Variants in EME1 observed in about 807,000 individuals in gnomAD.
EME1 encodes the protein essential meiotic structure-specific endonuclease 1.
Under a neutral mutation model 59.1 loss-of-function variants are expected in EME1, and 61 were observed. The ratio of observed to expected loss-of-function variants is 1.03; its 90% CI spans 0.84 to 1.28. EME1 has a LOEUF of 1.28. Ranked by LOEUF, EME1 falls within the 50% of genes most tolerant of loss-of-function variation. The probability of loss-of-function intolerance (pLI) is 0.00; values close to 1 mark genes in which losing one functional copy is unlikely to be tolerated. For missense variants in EME1, 635 were observed against 682.6 expected, an observed-to-expected ratio of 0.93 and a Z score of 0.78; for synonymous variants, 230 against 254.2, an observed-to-expected ratio of 0.90 and a Z score of 0.90.
rs1258612438 is a variant in EME1, at chr17:50,380,409, TGGA to T, written c.1449_1451del (p.Arg484del). On this transcript the variant is annotated inframe_deletion, in exon 8 of 9. Transcript: ENST00000338165. ...TGCTGGCAGGGGACTCGCACTAGTCTGGAGGAGACAGATTCAGCAGCTGAACCG... is the reference window on the plus strand; with the variant it reads ...TGCTGGCAGGGGACTCGCACTAGTCTGGAGACAGATTCAGCAGCTGAACCG... 3.7e-6 allele frequency: 6 copies of T among 1,614,154 alleles called. No individual in the cohort carries two copies. The highest frequency in any genetic ancestry group is 1.3e-5 in the African/African-American group (1 of 75,042).
chr17:50,373,969 G>A (rs1374072427), intron 1 of EME1, among the ~76,000 whole-genome samples: 1 of 152,172 alleles, frequency 6.6e-6, no homozygotes, highest in African/African-American at 2.4e-5. Context: ...CAAGCTGAGT[G>A]AAAAAAGTCA....
At chr17:50,373,316 G>T in intron 1 of EME1, 39 bp downstream of exon 1, 3 of 1,103,678 alleles carry the variant, frequency 2.7e-6, no homozygotes, top group Non-Finnish European at 3.9e-6. Context: ...ATTGGGCAGG[G>T]CTTCCCTCCT....
rs77891663 is a variant in EME1 at position 50,377,126 on chromosome 17, T to C, written c.903+933T>C. On this transcript the variant is annotated intron_variant, in intron 3 of 8. Transcript: ENST00000338165. ...AGATTTTTTTTTCCTCTCTTTGATT[T>C]CTTTTTTGGATCTGATAACTTTCTC... Among the ~76,000 whole-genome samples the C allele has an allele frequency of 6.7e-3, 1,023 of 152,286 alleles. 82 individuals are homozygous for C. In the East Asian group the frequency reaches 0.17, roughly 25 times the overall value.
At chr17:50,374,308 G>A (rs887268518) in intron 1 of EME1, among the ~76,000 whole-genome samples, 1 of 152,136 alleles carries the variant, frequency 6.6e-6, no homozygotes, top group African/African-American at 2.4e-5. Flanking sequence ...TACAATCACA[G>A]CTCACTGCAG....
At chr17:50,373,517 T>A (rs1413294441) in intron 1 of EME1, among the ~76,000 whole-genome samples, 3 of 152,208 alleles carry the variant, frequency 2.0e-5, no homozygotes, top group African/African-American at 7.2e-5. Flanking sequence ...CTTACTCTAC[T>A]TAGCCAGCTG....
Position 50,373,290 on chromosome 17 carries a change from G to C in EME1, c.-25+13G>C, listed in dbSNP as rs1383250057. ...GGAGAAGTTGCAGGTGAGCGTCCCC[G>C]GTCGCAGGCCTGCGGATTGGGCAGG... is the stretch of plus-strand genomic sequence containing the variant. On this transcript the variant is annotated intron_variant, in intron 1 of 8. Transcript: ENST00000338165. The C allele has an allele frequency of 7.8e-6, 11 of 1,410,796 alleles. No individual in the cohort carries two copies. Among genetic ancestry groups the C allele is most frequent in the Admixed American group, 1.9e-5 (1 of 51,380 alleles). The allele number at this position is 1,410,796 out of a possible 1,614,324, so 87.4% of individuals were successfully genotyped here. A position where few individuals can be genotyped will look rare whatever the true frequency, so the allele number is the denominator to read the frequency against.
chr17:50,373,790 C>G (rs1442678017), intron 1 of EME1, among the ~76,000 whole-genome samples: 1 of 152,140 alleles, frequency 6.6e-6, no homozygotes, highest in Non-Finnish European at 1.5e-5. Flanking sequence ...ACTTGTATGT[C>G]AGTGTTCATA....
At chr17:50,377,307 G>A (rs1374846586) in intron 3 of EME1, among the ~76,000 whole-genome samples, 5 of 152,068 alleles carry the variant, frequency 3.3e-5, no homozygotes, top group Non-Finnish European at 7.4e-5. Flanking sequence ...CATCACAGGT[G>A]GGGAAACTGG....
intron 6 of EME1, 110 bp from the exon 7 acceptor site, chr17:50,379,342 G>T: frequency 6.3e-7 from 1 of 1,587,392 alleles, no homozygotes; most frequent in Non-Finnish European, 8.6e-7. Context: ...CTGACTAAGA[G>T]AAGGTACCAA....
intron 1 of EME1, among the ~76,000 whole-genome samples, chr17:50,374,375 C>A (rs1256045817): frequency 6.6e-6 from 1 of 152,110 alleles, no homozygotes; most frequent in Non-Finnish European, 1.5e-5. Context: ...GTATCTGGGA[C>A]TACAGGTGTG....
At position 50,381,089 on chromosome 17, in the gene EME1, C is replaced by T; in HGVS notation, c.*150C>T. 1 of 826,564 alleles carries T rather than the reference C, an allele frequency of 1.2e-6. No individual in the cohort carries two copies. 51.2% of individuals were successfully genotyped at this position (826,564 alleles called of 1,614,324 possible). A position where few individuals can be genotyped will look rare whatever the true frequency, so the allele number is the denominator to read the frequency against. On this transcript the variant is annotated 3_prime_UTR_variant, in exon 9 of 9. Transcript: ENST00000338165. ...CTTGGGTCTTATTATTTGTGAAGGT[C>T]TCTCTGCCTGTCGGCTGGGGCAGAG...
intron 3 of EME1, 150 bp from the exon 4 acceptor site, chr17:50,378,445 C>G: frequency 1.3e-6 from 1 of 746,942 alleles, no homozygotes; most frequent in Non-Finnish European, 2.3e-6. Context: ...GACAGCGACA[C>G]TGTTTCTTGC....
At chr17:50,377,758 CTCTT>C (rs1474530618) in intron 3 of EME1, among the ~76,000 whole-genome samples, 5 of 151,314 alleles carry the variant, frequency 3.3e-5, no homozygotes, top group African/African-American at 4.9e-5. Flanking sequence ...CCTTTTTTCT[CTCTT>C]TTTTTTTTTT....
rs745903424 is a variant in EME1, at chr17:50,380,474, C to G, written c.1509C>G (p.Ala503=). The G allele has an allele frequency of 1.4e-5, 22 of 1,614,004 alleles. No individual in the cohort carries two copies. Among genetic ancestry groups the G allele is most frequent in the Non-Finnish European group, 1.8e-5 (21 of 1,180,030 alleles). ...AAATGGCCAGTGCAGTTGTGAATGC[C>G]TATCCCTCCCCACAGCTCCTGGTAC... The part of the protein sequence containing the change: ...SLEMASAVVN[A]YPSPQLLVQA... Residue 503 remains alanine (A), a synonymous_variant, in exon 8 of 9, where the codon GCC becomes GCG. Transcript: ENST00000338165.
intron 3 of EME1, among the ~76,000 whole-genome samples, chr17:50,376,531 T>A (rs1913479912): frequency 6.6e-6 from 1 of 152,184 alleles, no homozygotes; most frequent in South Asian, 2.1e-4. Context: ...CTGGCCACTA[T>A]CTACTAATGT....
In EME1 at chr17:50,375,359, G is replaced by T; in HGVS notation, c.151G>T (p.Asp51Tyr). The T allele has an allele frequency of 6.2e-7, 1 of 1,614,174 alleles. No homozygotes were observed. The highest frequency in any genetic ancestry group is 1.1e-5 in the South Asian group (1 of 91,078). The stretch of plus-strand genomic sequence containing the variant: ...GAAGATTGTAGTGGTTGACATCTCA[G>T]ATTGTGAAGCCTCCTGTCCTCCAGC... ...EEKIVVVDIS[D>Y]CEASCPPAPE... Residue 51 changes from aspartate to tyrosine, a missense_variant, in exon 2 of 9, where the codon GAT (aspartate) becomes TAT (tyrosine). Transcript: ENST00000338165.
In EME1 at chr17:50,376,273, A is replaced by G. The variant is rs112070350; in HGVS notation, c.903+80A>G. 1,196 of 1,568,414 alleles carry G rather than the reference A, an allele frequency of 7.6e-4. 11 individuals are homozygous for G. In the African/African-American group the frequency reaches 0.014, roughly 19 times the overall value. The stretch of plus-strand genomic sequence containing the variant: ...TAAATATGCTTTTATTTTAAAGGAT[A>G]CTTATCAGGGCCCCAGCAGGAAGAC... On this transcript the variant is annotated intron_variant, in intron 3 of 8. Coordinates refer to ENST00000338165, the MANE Select transcript of EME1 (RefSeq NM_152463.4).
In EME1 at chr17:50,375,815, C is replaced by T. The variant is rs1292604546; in HGVS notation, c.607C>T (p.Gln203Ter). The T allele has an allele frequency of 6.2e-7, 1 of 1,614,150 alleles. No homozygotes were observed. Among genetic ancestry groups the T allele is most frequent in the South Asian group, 1.1e-5 (1 of 91,074 alleles). Residue 203 changes from glutamine (Q) to a stop codon, truncating the protein, a stop_gained, in exon 2 of 9, where the codon CAG becomes TAG. Coordinates refer to ENST00000338165, the MANE Select transcript of EME1 (RefSeq NM_152463.4). LOFTEE classifies it high-confidence loss of function. ...ACCCCAGAAGAAAACCAAGCCGAGT[C>T]AGAAGGTCCAGGGAAGAGGCTCACA... ...LPPQKKTKPSQKVQGRGSHGC... is the reference protein window; with the variant it reads ...LPPQKKTKPS
In EME1 at chr17:50,378,838, CA is replaced by C; in HGVS notation, c.1058del (p.Lys353ArgfsTer10). 2 of 1,614,170 alleles carry C rather than the reference CA, an allele frequency of 1.2e-6. No individual in the cohort carries two copies. Among genetic ancestry groups the C allele is most frequent in the Non-Finnish European group, 1.7e-6 (2 of 1,180,006 alleles). ...TLQGFVTDIT[A>X]KTAGKALSLV... ...CAGGGCTTTGTAACTGACATCACAG[CA>C]AAGACAGCAGGGAAAGCTCTGTCAC... On this transcript the variant is annotated frameshift_variant, in exon 5 of 9. Transcript: ENST00000338165. LOFTEE classifies it high-confidence loss of function.
Sources: allele counts gnomAD v4.1 joint callset (sites outside exome capture counted in the v4.1 genomes callset), GRCh38; gene constraint gnomAD v4.1.1; transcripts MANE v1.5; gene names NCBI Gene and HGNC (gene_info 2026-07-23, HGNC 2026-07-21).